The following MYO1D variants were observed in gnomAD, a reference collection of about 807,000 sequenced individuals.
MYO1D encodes unconventional myosin-Id.
MYO1D carries 83 observed loss-of-function variants against 122.0 expected under a neutral mutation model. That is an observed-to-expected ratio of 0.68 (90% CI 0.57 to 0.82). MYO1D has a LOEUF of 0.82. MYO1D is among the 40% of genes least tolerant of loss of function. The pLI is 0.00. For missense variants in MYO1D, 1,157 were observed against 1,269.5 expected (o/e 0.91, Z 1.35); for synonymous variants, 464 against 446.9 (o/e 1.04, Z -0.48).
At chr17:32,568,076 C>A (rs933037238) in intron 21 of MYO1D, among the ~76,000 whole-genome samples, 1 of 151,850 alleles carries the variant, frequency 6.6e-6, no homozygotes, top group Non-Finnish European at 1.5e-5. Flanking sequence ...CTGCACCAAA[C>A]CTGGGTGATC....
At chr17:32,577,737 CTT>C (rs1210009405) in intron 21 of MYO1D, among the ~76,000 whole-genome samples, 1 of 143,640 alleles carries the variant, frequency 7.0e-6, no homozygotes, top group Non-Finnish European at 1.5e-5. Flanking sequence ...ATACATATTT[CTT>C]TTTTTTTTTT....
chr17:32,663,212 C>T (rs564715156), intron 16 of MYO1D, among the ~76,000 whole-genome samples: 3 of 152,086 alleles, frequency 2.0e-5, no homozygotes, highest in Non-Finnish European at 4.4e-5. Context: ...CCACCGCACC[C>T]GGCAATTGTG....
chr17:32,764,806 A>G, intron 8 of MYO1D, 72 bp downstream of exon 8: 2 of 1,472,598 alleles, frequency 1.4e-6, no homozygotes, highest in Admixed American at 1.7e-5. Flanking sequence ...GTCTGAATAC[A>G]TGCTCACAGG....
intron 21 of MYO1D, among the ~76,000 whole-genome samples, chr17:32,554,249 T>G (rs1478602424): frequency 6.6e-6 from 1 of 151,924 alleles, no homozygotes; most frequent in African/African-American, 2.4e-5. Flanking sequence ...CTGCACATAG[T>G]GAGAGCTACT....
At chr17:32,797,233 T>C (rs773799904) in intron 1 of MYO1D, among the ~76,000 whole-genome samples, 3 of 152,200 alleles carry the variant, frequency 2.0e-5, no homozygotes, top group Non-Finnish European at 4.4e-5. Flanking sequence ...CCTCCCAAAG[T>C]GCTGGGATTA....
rs1009770450 is a variant in MYO1D at position 32,857,559 on chromosome 17, T to G, written c.95+19219A>C. 2.1e-5 allele frequency among the ~76,000 whole-genome samples: 3 copies of G among 142,446 alleles called. No individual in the cohort carries two copies. In the East Asian group the frequency reaches 6.3e-4, roughly 30 times the overall value. The allele number at this position is 142,446 out of a possible 152,430, so 93.5% of individuals were successfully genotyped here. On this transcript the variant is annotated intron_variant, in intron 1 of 21. Transcript: ENST00000318217. ...GAGATCGCACCACTGCACTCCAGCC[T>G]GGACGACAGAGCAAGACTCCACCTC...
chr17:32,876,566 C>CCCGCACCCCAAAGCGG (rs977426183), intron 1 of MYO1D, among the ~76,000 whole-genome samples: 4 of 152,152 alleles, frequency 2.6e-5, no homozygotes, highest in Admixed American at 2.0e-4. Context: ...CGACACGCCC[C>CCCGCACCCCAAAGCGG]CCGCACCCCA....
At chr17:32,756,380 C>T (rs560026601) in intron 10 of MYO1D, 1 of 208,708 alleles carries the variant, frequency 4.8e-6, no homozygotes, top group African/African-American at 2.3e-5. Context: ...AACAGCCTTA[C>T]TCTGATTCAG....
rs147227203 is a variant in MYO1D, at chr17:32,575,484, C to T, written c.2864+29603G>A. 2.2e-4 allele frequency among the ~76,000 whole-genome samples: 33 copies of T among 152,278 alleles called. 1 individual carries two copies. In the East Asian group the frequency reaches 6.0e-3, roughly 28 times the overall value. On this transcript the variant is annotated intron_variant, in intron 21 of 21. Transcript: ENST00000318217. ...ATTTTGCTTGGTTAAATAAAATTTT[C>T]CATGTGGTGTGATTATATAGTACAA... is the stretch of plus-strand genomic sequence containing the variant.
chr17:32,523,708 C>A (rs1910238112), intron 21 of MYO1D, among the ~76,000 whole-genome samples: 1 of 150,606 alleles, frequency 6.6e-6, no homozygotes, highest in Non-Finnish European at 1.5e-5. Context: ...GGCTGAGTCC[C>A]TGAGCCTGGG....
At chr17:32,756,407 T>C (rs892947854) in intron 10 of MYO1D, 1 of 208,004 alleles carries the variant, frequency 4.8e-6, no homozygotes, top group African/African-American at 2.3e-5. Flanking sequence ...CAGATACTCT[T>C]GTGCTGTGCA....
In MYO1D at chr17:32,652,623, A is replaced by G. The variant is rs2729332; in HGVS notation, c.2595+1220T>C. Among the ~76,000 whole-genome samples the G allele has an allele frequency of 8.9e-3, 1,356 of 151,912 alleles. 61 individuals are homozygous for G. Among genetic ancestry groups the G allele is most frequent in the Admixed American group, 0.078 (1,195 of 15,262 alleles). ...CTGTGTTCTTCTAAACAAGTATTTT[A>G]AGGTTTTTTTTTTAAGACTAGCTAC... On this transcript the variant is annotated intron_variant, in intron 19 of 21. Transcript: ENST00000318217.
intron 21 of MYO1D, among the ~76,000 whole-genome samples, chr17:32,499,900 C>T (rs1356064747): frequency 2.0e-5 from 3 of 151,732 alleles, no homozygotes; most frequent in African/African-American, 7.3e-5. Context: ...GAGGCGGAGG[C>T]TGCAGTGAGC....
At chr17:32,714,780 A>C in intron 15 of MYO1D, among the ~76,000 whole-genome samples, 1 of 152,226 alleles carries the variant, frequency 6.6e-6, no homozygotes, top group East Asian at 1.9e-4. Context: ...TTCATGATGA[A>C]ATCACCAAAA....
intron 1 of MYO1D, among the ~76,000 whole-genome samples, chr17:32,866,993 G>A (rs2091131210): frequency 6.6e-6 from 1 of 152,016 alleles, no homozygotes; most frequent in African/African-American, 2.4e-5. Flanking sequence ...CATATAGACA[G>A]CTCTTAATTA....
In MYO1D at chr17:32,654,499, C is replaced by T. The variant is rs1473175324; in HGVS notation, c.2468G>A (p.Trp823Ter). ...TACTGAAGCAAGATAGTTGCCCTCC[C>T]AGGCCCTCTGGAGCCCGAGGTCAGC... is the stretch of plus-strand genomic sequence containing the variant. ...QRADLGLQRAWEGNYLASKPD... is the reference protein window; with the variant it reads ...QRADLGLQRA Residue 823 changes from tryptophan (W) to a stop codon, truncating the protein, a stop_gained, in exon 18 of 22, where the codon TGG becomes TAG. Coordinates refer to ENST00000318217, the MANE Select transcript of MYO1D (RefSeq NM_015194.3). LOFTEE classifies it high-confidence loss of function. The T allele has an allele frequency of 6.2e-7, 1 of 1,613,622 alleles. No homozygotes were observed. The highest frequency in any genetic ancestry group is 2.2e-5 in the East Asian group (1 of 44,838).
intron 21 of MYO1D, among the ~76,000 whole-genome samples, chr17:32,587,749 C>T (rs2087403230): frequency 6.6e-6 from 1 of 152,218 alleles, no homozygotes; most frequent in South Asian, 2.1e-4. Context: ...CTAGTCTTCC[C>T]CTCCCTCTGC....
chr17:32,681,970 T>A (rs1241973317), intron 16 of MYO1D, among the ~76,000 whole-genome samples: 1 of 127,780 alleles, frequency 7.8e-6, no homozygotes, highest in Non-Finnish European at 1.6e-5. Flanking sequence ...GATAGTTAGC[T>A]CTTCTTGTTG....
chr17:32,788,925 T>C (rs2090324555), intron 1 of MYO1D, among the ~76,000 whole-genome samples: 1 of 152,226 alleles, frequency 6.6e-6, no homozygotes, highest in African/African-American at 2.4e-5. Context: ...CTAATATTTC[T>C]TTCACAAGTG....
Sources: allele counts gnomAD v4.1 joint callset (sites outside exome capture counted in the v4.1 genomes callset), GRCh38; gene constraint gnomAD v4.1.1; transcripts MANE v1.5; gene names NCBI Gene and HGNC (gene_info 2026-07-23, HGNC 2026-07-21).